HCN1: variants seen among roughly 807,000 people sequenced by gnomAD.
HCN1 encodes potassium/sodium hyperpolarization-activated cyclic nucleotide-gated channel 1.
In HCN1, 13 loss-of-function variants were observed where a neutral mutation model predicts 78.9. The ratio of observed to expected loss-of-function variants is 0.16; its 90% CI spans 0.11 to 0.26. The LOEUF (loss-of-function observed/expected upper bound fraction) is 0.26, where lower values mean the gene tolerates loss of function less well. Among genes scored for constraint, HCN1 ranks in the 10% least tolerant of loss-of-function variants. HCN1 has a pLI of 1.00. For synonymous variants in HCN1, 552 were observed against 455.5 expected (o/e 1.21, Z -2.70); for missense variants, 810 against 1,154.3 (o/e 0.70, Z 4.32).
Position 45,659,735 on chromosome 5 carries a change from G to A in HCN1, c.426-14127C>T, listed in dbSNP as rs1478454318. Among the ~76,000 whole-genome samples the A allele has an allele frequency of 3.9e-4, 46 of 116,742 alleles. 2 individuals carry two copies. The highest frequency in any genetic ancestry group is 3.0e-3 in the Admixed American group (34 of 11,336). 76.6% of individuals were successfully genotyped at this position (116,742 alleles called of 152,430 possible). A position where few individuals can be genotyped will look rare whatever the true frequency, so the allele number is the denominator to read the frequency against. On this transcript the variant is annotated intron_variant, in intron 1 of 7. Coordinates refer to ENST00000303230, the MANE Select transcript of HCN1 (RefSeq NM_021072.4). ...GAAGATGAAATGAATGAAATGAAGC[G>A]AGAAGGGAAGTTTAGAGAAAAAAGA... is the stretch of plus-strand genomic sequence containing the variant.
chr5:45,555,079 C>A (rs1743444522), intron 2 of HCN1, among the ~76,000 whole-genome samples: 2 of 151,654 alleles, frequency 1.3e-5, no homozygotes, highest in South Asian at 4.2e-4. Context: ...TAAGGGGCAT[C>A]CAGATTGGAA....
intron 2 of HCN1, among the ~76,000 whole-genome samples, chr5:45,530,778 TG>T (rs1342060020): frequency 6.6e-6 from 1 of 152,110 alleles, no homozygotes; most frequent in East Asian, 1.9e-4. Context: ...TGACTCTGTG[TG>T]GTAGGTTCTA....
At chr5:45,319,732 T>A (rs1346381711) in intron 5 of HCN1, among the ~76,000 whole-genome samples, 2 of 151,598 alleles carry the variant, frequency 1.3e-5, no homozygotes, top group Non-Finnish European at 2.9e-5. Context: ...AGAAAAAAAA[T>A]GAGTTTGATA....
intron 2 of HCN1, among the ~76,000 whole-genome samples, chr5:45,494,039 T>G (rs1488715934): frequency 1.3e-5 from 2 of 152,148 alleles, no homozygotes; most frequent in Admixed American, 6.5e-5. Context: ...TTTGCTATTG[T>G]GAATAATGCC....
At chr5:45,515,559 G>A (rs1403060441) in intron 2 of HCN1, among the ~76,000 whole-genome samples, 3 of 151,896 alleles carry the variant, frequency 2.0e-5, no homozygotes, top group African/African-American at 7.2e-5. Flanking sequence ...TATCTTCATA[G>A]TTGTTATCAC....
In HCN1 at chr5:45,612,694, A is replaced by T. The variant is rs553937897; in HGVS notation, c.849+32491T>A. Among the ~76,000 whole-genome samples, 4 of 152,300 alleles carry T rather than the reference A, an allele frequency of 2.6e-5. No homozygotes were observed. The South Asian group carries it at 8.3e-4, about 32-fold the overall frequency. On this transcript the variant is annotated intron_variant, in intron 2 of 7. Coordinates refer to ENST00000303230, the MANE Select transcript of HCN1 (RefSeq NM_021072.4). ...CTGATGAACCCTGAAAGTGAAGAGT[A>T]CATGTCTCAAAGCCAAAGGATACCA...
chr5:45,654,460 T>C (rs569001458), intron 1 of HCN1, among the ~76,000 whole-genome samples: 13 of 152,296 alleles, frequency 8.5e-5, no homozygotes, highest in African/African-American at 2.9e-4. Flanking sequence ...TTTTAAATTT[T>C]ATTTCCTGCT....
intron 2 of HCN1, among the ~76,000 whole-genome samples, chr5:45,584,047 G>C (rs1166715802): frequency 6.6e-6 from 1 of 152,112 alleles, no homozygotes; most frequent in Non-Finnish European, 1.5e-5. Flanking sequence ...TATTAGGTCC[G>C]CTTGCTGCAG....
intron 2 of HCN1, among the ~76,000 whole-genome samples, chr5:45,519,282 A>T (rs1742571796): frequency 6.6e-6 from 1 of 152,054 alleles, no homozygotes; most frequent in Non-Finnish European, 1.5e-5. Context: ...CAAGAAGATG[A>T]TCAGGTAACA....
intron 4 of HCN1, among the ~76,000 whole-genome samples, chr5:45,356,356 T>A (rs1010639453): frequency 6.6e-6 from 1 of 151,888 alleles, no homozygotes; most frequent in Admixed American, 6.6e-5. Context: ...TTTTTATTTT[T>A]AAAAGTTTCT....
chr5:45,575,199 G>C (rs907105928), intron 2 of HCN1: 5 of 152,142 alleles, frequency 3.3e-5, no homozygotes, highest in African/African-American at 1.2e-4. Context: ...ATCAATGCCT[G>C]TTTAAATCTT....
At chr5:45,543,179 A>C (rs1743139280) in intron 2 of HCN1, among the ~76,000 whole-genome samples, 1 of 152,152 alleles carries the variant, frequency 6.6e-6, no homozygotes, top group South Asian at 2.1e-4. Flanking sequence ...TGCTTCAATG[A>C]ATTTGGTAAA....
intron 5 of HCN1, among the ~76,000 whole-genome samples, chr5:45,305,293 T>C (rs1745703573): frequency 6.6e-6 from 1 of 152,176 alleles, no homozygotes; most frequent in Non-Finnish European, 1.5e-5. Context: ...TTCCAGGTGA[T>C]AACAGAAGGC....
intron 3 of HCN1, among the ~76,000 whole-genome samples, chr5:45,441,729 G>T (rs1012812192): frequency 6.6e-6 from 1 of 152,086 alleles, no homozygotes; most frequent in African/African-American, 2.4e-5. Flanking sequence ...AGAATCTCAG[G>T]TTCCCCGAGT....
At chr5:45,499,705 G>A (rs1365208427) in intron 2 of HCN1, among the ~76,000 whole-genome samples, 1 of 152,118 alleles carries the variant, frequency 6.6e-6, no homozygotes, top group East Asian at 1.9e-4. Flanking sequence ...GGATAAAATA[G>A]CTTCACTGTC....
chr5:45,340,615 T>G (rs1404984481), intron 5 of HCN1, among the ~76,000 whole-genome samples: 1 of 152,158 alleles, frequency 6.6e-6, no homozygotes, highest in Admixed American at 6.6e-5. Context: ...TGTGAAGAAG[T>G]TTTAGATTTA....
intron 5 of HCN1, among the ~76,000 whole-genome samples, chr5:45,310,043 T>C (rs1357626739): frequency 6.6e-6 from 1 of 151,642 alleles, no homozygotes. Context: ...CAAGACTAAA[T>C]GTAAAACCTA....
At chr5:45,530,301 C>T (rs1281188830) in intron 2 of HCN1, among the ~76,000 whole-genome samples, 3 of 151,972 alleles carry the variant, frequency 2.0e-5, no homozygotes, top group African/African-American at 7.2e-5. Flanking sequence ...AAACAGAAGC[C>T]TGCCTTAAGT....
chr5:45,280,940 C>T (rs912142810), intron 6 of HCN1, among the ~76,000 whole-genome samples: 3 of 151,088 alleles, frequency 2.0e-5, no homozygotes, highest in African/African-American at 7.3e-5. Flanking sequence ...CAGGTAACTC[C>T]AGTTGGTTTA....
Sources: gnomAD v4.1 joint callset for allele counts (sites outside exome capture counted in the v4.1 genomes callset) on GRCh38, gnomAD v4.1.1 for gene constraint, MANE v1.5 for transcripts, NCBI Gene and HGNC (gene_info 2026-07-23, HGNC 2026-07-21) for gene names.